Variants in SYT10 observed in about 807,000 individuals in gnomAD.
SYT10 encodes synaptotagmin 10, also known as synaptotagmin-10.
A neutral mutation model predicts 51.1 loss-of-function variants in SYT10; 31 were observed. The ratio of observed to expected loss-of-function variants is 0.61; its 90% CI spans 0.46 to 0.82. The LOEUF (loss-of-function observed/expected upper bound fraction) is 0.82. Among genes scored for constraint, SYT10 ranks in the 40% least tolerant of loss-of-function variants. The pLI is 0.00. For synonymous variants in SYT10, 233 were observed against 225.9 expected (o/e 1.03, Z -0.28); for missense variants, 603 against 634.0 (o/e 0.95, Z 0.53).
chr12:33,382,305 G>A (rs1445641071), intron 5 of SYT10, 44 bp downstream of exon 5: 1 of 1,460,124 alleles, frequency 6.8e-7, no homozygotes, highest in Non-Finnish European at 9.1e-7. Flanking sequence ...GCCTGCGCAT[G>A]ACTAGACATG....
chr12:33,387,775 A>T (rs1289908391), intron 3 of SYT10, among the ~76,000 whole-genome samples: 1 of 130,368 alleles, frequency 7.7e-6, no homozygotes, highest in Non-Finnish European at 1.6e-5. Context: ...TGAGACAGGG[A>T]CTCTCACTCT....
intron 5 of SYT10, among the ~76,000 whole-genome samples, chr12:33,381,676 C>T (rs1270844768): frequency 6.6e-6 from 1 of 151,980 alleles, no homozygotes; most frequent in Non-Finnish European, 1.5e-5. Flanking sequence ...ACAGTCCAGG[C>T]AACGGGGAGA....
Position 33,379,886 on chromosome 12 carries a change from A to T in SYT10, c.1446T>A (p.Asn482Lys), listed in dbSNP as rs771090310. The T allele has an allele frequency of 6.2e-7, 1 of 1,614,030 alleles. No homozygotes were observed. Among genetic ancestry groups the T allele is most frequent in the Admixed American group, 1.7e-5 (1 of 60,012 alleles). Residue 482 changes from asparagine (N) to lysine (K), a missense_variant, in exon 6 of 7, where the codon AAT becomes AAA. Physicochemically the swap from Asn to Lys is moderately conservative, Grantham distance 94. Coordinates refer to ENST00000228567, the MANE Select transcript of SYT10 (RefSeq NM_198992.4). ...GTTTTCGATGATAGGCCAGCATTTC[A>T]TTCCAGTGGTCTCGCCCAAGACCCT... is the stretch of plus-strand genomic sequence containing the variant. ...DAEGLGRDHW[N>K]EMLAYHRKPI...
intron 2 of SYT10, among the ~76,000 whole-genome samples, chr12:33,418,228 G>A (rs1866471802): frequency 6.6e-6 from 1 of 152,024 alleles, no homozygotes; most frequent in African/African-American, 2.4e-5. Flanking sequence ...TCTCTCCTGG[G>A]AGCTTACTTA....
At chr12:33,429,007 A>G (rs1180336092) in intron 1 of SYT10, among the ~76,000 whole-genome samples, 3 of 152,124 alleles carry the variant, frequency 2.0e-5, no homozygotes, top group African/African-American at 7.2e-5. Context: ...GAGAGGGAGC[A>G]ATAACTACAG....
At chr12:33,434,502 C>T (rs1231024549) in intron 1 of SYT10, among the ~76,000 whole-genome samples, 2 of 152,116 alleles carry the variant, frequency 1.3e-5, no homozygotes, top group Non-Finnish European at 2.9e-5. Flanking sequence ...TTCATTCATT[C>T]ATTTAAAAAA....
Position 33,439,607 on chromosome 12 carries a change from A to C in SYT10, c.-85T>G. The C allele has an allele frequency of 6.1e-6, 9 of 1,484,302 alleles. No homozygotes were observed. Among genetic ancestry groups the C allele is most frequent in the Non-Finnish European group, 8.2e-6 (9 of 1,096,750 alleles). The allele number at this position is 1,484,302 out of a possible 1,614,324, so 91.9% of individuals were successfully genotyped here. A position where few individuals can be genotyped will look rare whatever the true frequency, so the allele number is the denominator to read the frequency against. On this transcript the variant is annotated 5_prime_UTR_variant, in exon 1 of 7. It removes the in-frame stop codon of an upstream open reading frame in the 5' UTR. Transcript: ENST00000228567. The stretch of plus-strand genomic sequence containing the variant: ...GTACCTCTAACCCCTCTGGCGCCCT[A>C]AGCCATAGTCCGCCCGCGGTGACTT...
intron 3 of SYT10, among the ~76,000 whole-genome samples, chr12:33,404,613 G>A (rs542492433): frequency 6.6e-6 from 1 of 152,156 alleles, no homozygotes; most frequent in East Asian, 1.9e-4. Flanking sequence ...GGCTGGTCTT[G>A]AACTCTTGAC....
At chr12:33,431,972 A>G (rs1866600430) in intron 1 of SYT10, among the ~76,000 whole-genome samples, 1 of 152,170 alleles carries the variant, frequency 6.6e-6, no homozygotes, top group South Asian at 2.1e-4. Flanking sequence ...ATGGCATAGA[A>G]TATGATAATG....
At chr12:33,401,159 A>AGG (rs1866300980) in intron 3 of SYT10, among the ~76,000 whole-genome samples, 3 of 152,236 alleles carry the variant, frequency 2.0e-5, no homozygotes, top group Admixed American at 6.5e-5. Context: ...TCATTCATCC[A>AGG]GTTTCTACCA....
intron 3 of SYT10, among the ~76,000 whole-genome samples, chr12:33,385,699 A>G (rs1311240335): frequency 6.6e-6 from 1 of 152,160 alleles, no homozygotes; most frequent in Admixed American, 6.5e-5. Flanking sequence ...AGTCCTGTCT[A>G]CACTATCTAC....
chr12:33,393,803 C>T (rs1025404826), intron 3 of SYT10, among the ~76,000 whole-genome samples: 1 of 152,176 alleles, frequency 6.6e-6, no homozygotes, highest in African/African-American at 2.4e-5. Context: ...TCTAGGGTGG[C>T]CCCCACTCCA....
intron 3 of SYT10, among the ~76,000 whole-genome samples, chr12:33,389,678 A>G (rs915174847): frequency 6.6e-6 from 1 of 152,194 alleles, no homozygotes; most frequent in Non-Finnish European, 1.5e-5. Context: ...TGCTGTGGTG[A>G]TAGCAGTCAT....
In SYT10 at chr12:33,390,568, C is replaced by CTG. The variant is rs1555114472; in HGVS notation, c.1078-5278_1078-5277insCA. 6.6e-5 allele frequency among the ~76,000 whole-genome samples: 10 copies of CTG among 151,136 alleles called. No individual in the cohort carries two copies. In the East Asian group the frequency reaches 1.8e-3, roughly 27 times the overall value. On this transcript the variant is annotated intron_variant, in intron 3 of 6. Transcript: ENST00000228567. ...TCCCACAACCCAAAAACTCCACCCTCTATATATATATAAAATAAATAATTT... is the reference window on the plus strand; with the variant it reads ...TCCCACAACCCAAAAACTCCACCCTCTGTATATATATATAAAATAAATAATTT...
At chr12:33,431,295 T>C (rs1162297892) in intron 1 of SYT10, among the ~76,000 whole-genome samples, 1 of 152,166 alleles carries the variant, frequency 6.6e-6, no homozygotes. Flanking sequence ...TGAAAAATGC[T>C]CTTTTAAAAT....
Position 33,426,510 on chromosome 12 carries a change from AT to A in SYT10, c.152-16del, listed in dbSNP as rs1333765985. On this transcript the variant is annotated splice_polypyrimidine_tract_variant and intron_variant, in intron 1 of 6. Coordinates refer to ENST00000228567, the MANE Select transcript of SYT10 (RefSeq NM_198992.4). ...GACTGAAATATCTGGAAAAATTACAATGTAAAAATGATTAATTAATATTGTA... is the reference window on the plus strand; with the variant it reads ...GACTGAAATATCTGGAAAAATTACAAGTAAAAATGATTAATTAATATTGTA... The A allele has an allele frequency of 6.5e-7, 1 of 1,529,864 alleles. No homozygotes were observed. The highest frequency in any genetic ancestry group is 1.4e-5 in the African/African-American group (1 of 71,156). The allele number at this position is 1,529,864 out of a possible 1,614,324, so 94.8% of individuals were successfully genotyped here.
In SYT10 at chr12:33,426,099, C is replaced by CAT. The variant is rs771916434; in HGVS notation, c.509+38_509+39insAT. The CAT allele has an allele frequency of 4.8e-5, 72 of 1,513,298 alleles. 1 individual carries two copies. The African/African-American group carries it at 8.3e-4, about 17-fold the overall frequency. 93.7% of individuals were successfully genotyped at this position (1,513,298 alleles called of 1,614,324 possible). A position where few individuals can be genotyped will look rare whatever the true frequency, so the allele number is the denominator to read the frequency against. ...ACACACACACACACACACACACACACGCACACACACCAGTTTTATATATTT... is the reference window on the plus strand; with the variant it reads ...ACACACACACACACACACACACACACATGCACACACACCAGTTTTATATATTT... On this transcript the variant is annotated intron_variant, in intron 2 of 6. Coordinates refer to ENST00000228567, the MANE Select transcript of SYT10 (RefSeq NM_198992.4).
At chr12:33,391,019 C>G (rs1866201268) in intron 3 of SYT10, among the ~76,000 whole-genome samples, 1 of 152,152 alleles carries the variant, frequency 6.6e-6, no homozygotes, top group Non-Finnish European at 1.5e-5. Flanking sequence ...TCACTGCAAC[C>G]TCTGCCTCCT....
intron 1 of SYT10, chr12:33,432,605 T>A (rs1342242375): frequency 2.0e-5 from 3 of 152,100 alleles, no homozygotes; most frequent in Non-Finnish European, 4.4e-5. Flanking sequence ...CTGAATATTG[T>A]TTTGTCCATT....
Sources: gnomAD v4.1 joint callset for allele counts (sites outside exome capture counted in the v4.1 genomes callset) on GRCh38, gnomAD v4.1.1 for gene constraint, MANE v1.5 for transcripts, NCBI Gene and HGNC (gene_info 2026-07-23, HGNC 2026-07-21) for gene names.